KIF6: variants seen among roughly 807,000 people sequenced by gnomAD.
The protein encoded by KIF6 is kinesin family member 6.
In KIF6, 106 loss-of-function variants were observed where a neutral mutation model predicts 112.7. The observed-to-expected ratio is 0.94, with a 90% CI of 0.80 to 1.11. The LOEUF (loss-of-function observed/expected upper bound fraction) is 1.11, where lower values mean the gene tolerates loss of function less well. Ranked by LOEUF, KIF6 falls within the 50% of genes least tolerant of loss-of-function variation. The pLI, the probability that KIF6 is intolerant of heterozygous loss-of-function variation, is 0.00. For missense variants in KIF6, 929 were observed against 964.0 expected (o/e 0.96, Z 0.48); for synonymous variants, 339 against 339.9 (o/e 1.00, Z 0.03).
chr6:39,422,777 T>A (rs1177109006), intron 14 of KIF6, among the ~76,000 whole-genome samples: 1 of 152,120 alleles, frequency 6.6e-6, no homozygotes, highest in Non-Finnish European at 1.5e-5. Context: ...CCTCACTTAC[T>A]CCCTTTCCTC....
chr6:39,464,839 T>G (rs1476948779), intron 13 of KIF6, among the ~76,000 whole-genome samples: 1 of 152,212 alleles, frequency 6.6e-6, no homozygotes, highest in African/African-American at 2.4e-5. Context: ...GAGAACTGCT[T>G]TTTAAAAATT....
chr6:39,517,258 T>C (rs1777138002), intron 13 of KIF6, among the ~76,000 whole-genome samples: 1 of 152,174 alleles, frequency 6.6e-6, no homozygotes, highest in African/African-American at 2.4e-5. Flanking sequence ...AAAAGAAGGA[T>C]ATTTTGGGCA....
At chr6:39,406,371 C>G (rs1769091261) in intron 15 of KIF6, among the ~76,000 whole-genome samples, 1 of 152,106 alleles carries the variant, frequency 6.6e-6, no homozygotes, top group Non-Finnish European at 1.5e-5. Context: ...GTCAACCTGG[C>G]TAGATGTTTA....
intron 6 of KIF6, among the ~76,000 whole-genome samples, chr6:39,603,125 G>A (rs1782666297): frequency 6.6e-6 from 1 of 152,076 alleles, no homozygotes; most frequent in Non-Finnish European, 1.5e-5. Flanking sequence ...TGATCCACTG[G>A]GCTACAAGTG....
chr6:39,402,297 G>A (rs942280137), intron 15 of KIF6, among the ~76,000 whole-genome samples: 1 of 152,108 alleles, frequency 6.6e-6, no homozygotes, highest in Non-Finnish European at 1.5e-5. Context: ...AAGCCGTTTC[G>A]AGGACTCATC....
chr6:39,678,251 T>C (rs1338904738), intron 3 of KIF6, among the ~76,000 whole-genome samples: 1 of 151,992 alleles, frequency 6.6e-6, no homozygotes, highest in Non-Finnish European at 1.5e-5. Context: ...TGGCGATTCC[T>C]CAGGGATCTA....
At chr6:39,345,992 C>T (rs1270770891) in intron 20 of KIF6, among the ~76,000 whole-genome samples, 2 of 145,434 alleles carry the variant, frequency 1.4e-5, no homozygotes, top group Non-Finnish European at 3.0e-5. Context: ...GAGGGTAGGG[C>T]CCCTGCACTG....
chr6:39,431,404 C>T (rs991448213), intron 13 of KIF6: 25 of 369,588 alleles, frequency 6.8e-5, no homozygotes, highest in Admixed American at 4.1e-4. Flanking sequence ...TCGTGGGGGG[C>T]GGGGTTTGGA....
intron 10 of KIF6, among the ~76,000 whole-genome samples, chr6:39,551,116 G>T (rs932013025): frequency 1.3e-5 from 2 of 152,124 alleles, no homozygotes; most frequent in African/African-American, 4.8e-5. Context: ...CCCAGTAGTC[G>T]GATTGCTGGA....
intron 3 of KIF6, among the ~76,000 whole-genome samples, chr6:39,652,085 G>C (rs149329407): frequency 6.6e-6 from 1 of 152,204 alleles, no homozygotes; most frequent in Non-Finnish European, 1.5e-5. Context: ...TCTTCTAGGG[G>C]CACACTATGA....
chr6:39,433,414 C>T (rs1362936153), intron 13 of KIF6, among the ~76,000 whole-genome samples: 2 of 152,062 alleles, frequency 1.3e-5, no homozygotes, highest in African/African-American at 4.8e-5. Context: ...CTACATGCAT[C>T]GCCAACTTTC....
At chr6:39,648,962 C>T (rs559252086) in intron 3 of KIF6, among the ~76,000 whole-genome samples, 1 of 150,870 alleles carries the variant, frequency 6.6e-6, no homozygotes, top group Non-Finnish European at 1.5e-5. Flanking sequence ...GAGTTTGAGA[C>T]CAGCCTGGTC....
chr6:39,657,582 A>T (rs1036481868), intron 3 of KIF6, among the ~76,000 whole-genome samples: 10 of 152,228 alleles, frequency 6.6e-5, no homozygotes, highest in African/African-American at 2.4e-4. Flanking sequence ...TGTTTCTCTG[A>T]CAAACATAAA....
chr6:39,621,538 G>GA (rs1000247846), intron 5 of KIF6, among the ~76,000 whole-genome samples: 1 of 152,078 alleles, frequency 6.6e-6, no homozygotes, highest in African/African-American at 2.4e-5. Flanking sequence ...GGACTGTTGA[G>GA]AAAAAAATCA....
intron 10 of KIF6, among the ~76,000 whole-genome samples, chr6:39,570,042 C>T (rs1780558007): frequency 6.6e-6 from 1 of 152,186 alleles, no homozygotes; most frequent in South Asian, 2.1e-4. Flanking sequence ...GCTTGGACAT[C>T]AATGAAGCTT....
At chr6:39,499,914 C>G (rs780467803) in intron 13 of KIF6, among the ~76,000 whole-genome samples, 1 of 152,144 alleles carries the variant, frequency 6.6e-6, no homozygotes, top group Non-Finnish European at 1.5e-5. Flanking sequence ...AGTAACTGCT[C>G]AACAGAGGAA....
chr6:39,362,747 G>T (rs760693139), intron 16 of KIF6, among the ~76,000 whole-genome samples: 6 of 152,168 alleles, frequency 3.9e-5, no homozygotes, highest in Non-Finnish European at 7.3e-5. Context: ...TCTGTCACTG[G>T]AAGGGAATCT....
At chr6:39,561,059 T>C (rs1443670808) in intron 10 of KIF6, among the ~76,000 whole-genome samples, 1 of 152,230 alleles carries the variant, frequency 6.6e-6, no homozygotes, top group African/African-American at 2.4e-5. Context: ...ATGCAGATAA[T>C]CTGCCTTTGC....
At chr6:39,579,702 A>T (rs1336187738) in intron 9 of KIF6, among the ~76,000 whole-genome samples, 1 of 151,996 alleles carries the variant, frequency 6.6e-6, no homozygotes, top group Admixed American at 6.6e-5. Flanking sequence ...TAAAGGTTTG[A>T]TTTTCACATT....
Sources: gnomAD v4.1 joint callset for allele counts (sites outside exome capture counted in the v4.1 genomes callset) on GRCh38, gnomAD v4.1.1 for gene constraint, MANE v1.5 for transcripts, NCBI Gene and HGNC (gene_info 2026-07-23, HGNC 2026-07-21) for gene names.